HCN1: variants seen among roughly 807,000 people sequenced by gnomAD.
HCN1 encodes hyperpolarization activated cyclic nucleotide gated potassium channel 1, also known as potassium/sodium hyperpolarization-activated cyclic nucleotide-gated channel 1.
A neutral mutation model predicts 78.9 loss-of-function variants in HCN1; 13 were observed. That is an observed-to-expected ratio of 0.16 (90% CI 0.11 to 0.26). The LOEUF (loss-of-function observed/expected upper bound fraction) is 0.26, where lower values mean the gene tolerates loss of function less well. Among genes scored for constraint, HCN1 ranks in the 10% least tolerant of loss-of-function variants. The pLI, the probability that HCN1 is intolerant of heterozygous loss-of-function variation, is 1.00. For missense variants in HCN1, 810 were observed against 1,154.3 expected, an observed-to-expected ratio of 0.70 and a Z score of 4.32; for synonymous variants, 552 against 455.5, an observed-to-expected ratio of 1.21 and a Z score of -2.70.
chr5:45,507,551 A>G (rs1742331683), intron 2 of HCN1, among the ~76,000 whole-genome samples: 1 of 152,168 alleles, frequency 6.6e-6, no homozygotes, highest in East Asian at 1.9e-4. Context: ...AAAAATAAAA[A>G]CAGCTTCACC....
At chr5:45,572,568 T>C (rs1404313788) in intron 2 of HCN1, among the ~76,000 whole-genome samples, 2 of 152,218 alleles carry the variant, frequency 1.3e-5, no homozygotes, top group Non-Finnish European at 2.9e-5. Flanking sequence ...CATTTTAGCC[T>C]GGTCTATAGC....
chr5:45,594,873 G>T (rs982483141), intron 2 of HCN1, among the ~76,000 whole-genome samples: 1 of 152,126 alleles, frequency 6.6e-6, no homozygotes, highest in Non-Finnish European at 1.5e-5. Flanking sequence ...TATAAAGAAT[G>T]AAATTAATTA....
intron 2 of HCN1, among the ~76,000 whole-genome samples, chr5:45,637,009 A>T (rs548231658): frequency 1.3e-5 from 2 of 152,314 alleles, no homozygotes; most frequent in African/African-American, 4.8e-5. Context: ...TTCAAAGTGT[A>T]TGTTCAACAA....
chr5:45,586,194 C>T (rs1744216998), intron 2 of HCN1, among the ~76,000 whole-genome samples: 1 of 152,190 alleles, frequency 6.6e-6, no homozygotes, highest in South Asian at 2.1e-4. Context: ...TTCCTGGCCA[C>T]TTTGTTTACC....
chr5:45,596,052 C>A lies in HCN1; in HGVS notation c.849+49133G>T, dbSNP rs569245295. On this transcript the variant is annotated intron_variant, in intron 2 of 7. Coordinates refer to ENST00000303230, the MANE Select transcript of HCN1 (RefSeq NM_021072.4). ...CTGGGACTACAGGGGACCACAACCA[C>A]ACCCGGCTAATTTTTTTTTGTATTT... Among the ~76,000 whole-genome samples, 3 of 151,880 alleles carry A rather than the reference C, an allele frequency of 2.0e-5. No homozygotes were observed. In the South Asian group the frequency reaches 6.2e-4, roughly 32 times the overall value.
At chr5:45,415,185 T>A (rs1028306739) in intron 3 of HCN1, among the ~76,000 whole-genome samples, 2 of 152,092 alleles carry the variant, frequency 1.3e-5, no homozygotes, top group African/African-American at 2.4e-5. Context: ...TAGCAGTTAT[T>A]TGTTTTAATG....
chr5:45,291,166 T>C (rs1241855532), intron 6 of HCN1, among the ~76,000 whole-genome samples: 1 of 152,046 alleles, frequency 6.6e-6, no homozygotes. Flanking sequence ...GATCATTTCT[T>C]CTATTTCCAG....
intron 2 of HCN1, among the ~76,000 whole-genome samples, chr5:45,608,768 T>C (rs753135827): frequency 6.6e-6 from 1 of 151,950 alleles, no homozygotes; most frequent in African/African-American, 2.4e-5. Flanking sequence ...AAAATATTAA[T>C]AAACTGACTA....
At chr5:45,432,360 G>C (rs1740480221) in intron 3 of HCN1, among the ~76,000 whole-genome samples, 1 of 152,056 alleles carries the variant, frequency 6.6e-6, no homozygotes, top group Non-Finnish European at 1.5e-5. Context: ...TCTAGGTATA[G>C]AATCATTTTC....
chr5:45,498,594 C>A (rs1160631106), intron 2 of HCN1, among the ~76,000 whole-genome samples: 1 of 152,202 alleles, frequency 6.6e-6, no homozygotes, highest in African/African-American at 2.4e-5. Flanking sequence ...TCGTCAAAGT[C>A]ATTTTCCGTC....
Position 45,645,418 on chromosome 5 carries a change from T to C in HCN1, c.616A>G (p.Ile206Val), listed in dbSNP as rs1444972054. Residue 206 changes from isoleucine (I) to valine (V), a missense_variant, in exon 2 of 8, where the codon ATC becomes GTC. Transcript: ENST00000303230. Reference protein sequence around the residue: ...TGTVNEDSSEIILDPKVIKMN... With the variant: ...TGTVNEDSSEVILDPKVIKMN... ...TTGATCACTTTGGGGTCCAGGATGATTTCAGAACTGTCTTCATTGACAGTC... is the reference window on the plus strand; with the variant it reads ...TTGATCACTTTGGGGTCCAGGATGACTTCAGAACTGTCTTCATTGACAGTC... 6.2e-7 allele frequency: 1 copy of C among 1,613,626 alleles called. No individual in the cohort carries two copies. The highest frequency in any genetic ancestry group is 8.5e-7 in the Non-Finnish European group (1 of 1,179,736).
chr5:45,261,892 T>G lies in HCN1; in HGVS notation c.*29A>C, dbSNP rs757811784. The stretch of plus-strand genomic sequence containing the variant: ...AGTATAGTCTCAGTTTATGAGAGTA[T>G]TTCTTTCTGCTTTGACAATCAGCAG... On this transcript the variant is annotated 3_prime_UTR_variant, in exon 8 of 8. Coordinates refer to ENST00000303230, the MANE Select transcript of HCN1 (RefSeq NM_021072.4). 6.2e-7 allele frequency: 1 copy of G among 1,612,178 alleles called. No homozygotes were observed. The highest frequency in any genetic ancestry group is 2.2e-5 in the East Asian group (1 of 44,876).
chr5:45,676,898 C>G (rs1035745718), intron 1 of HCN1, among the ~76,000 whole-genome samples: 1 of 151,796 alleles, frequency 6.6e-6, no homozygotes, highest in Non-Finnish European at 1.5e-5. Flanking sequence ...ATCTGTCGAT[C>G]AGCTATCATC....
At chr5:45,534,269 C>A (rs188809866) in intron 2 of HCN1, among the ~76,000 whole-genome samples, 1 of 150,972 alleles carries the variant, frequency 6.6e-6, no homozygotes, top group Non-Finnish European at 1.5e-5. Flanking sequence ...TGGTGGCAGG[C>A]GCCTATAGTC....
At chr5:45,534,213 C>G (rs185218161) in intron 2 of HCN1, among the ~76,000 whole-genome samples, 13 of 150,996 alleles carry the variant, frequency 8.6e-5, no homozygotes, top group African/African-American at 2.7e-4. Context: ...CTAGCCAACA[C>G]AGTGAAACAC....
At chr5:45,605,990 T>C (rs1744720598) in intron 2 of HCN1, among the ~76,000 whole-genome samples, 1 of 148,150 alleles carries the variant, frequency 6.7e-6, no homozygotes. Flanking sequence ...TGATGGGAAA[T>C]ATTAGCTTCA....
At chr5:45,671,824 A>G (rs1253172450) in intron 1 of HCN1, among the ~76,000 whole-genome samples, 1 of 151,562 alleles carries the variant, frequency 6.6e-6, no homozygotes, top group African/African-American at 2.4e-5. Context: ...TTGAGTTAGG[A>G]CTGTCAAAAA....
At chr5:45,612,661 C>G (rs1472339428) in intron 2 of HCN1, among the ~76,000 whole-genome samples, 1 of 152,082 alleles carries the variant, frequency 6.6e-6, no homozygotes, top group Admixed American at 6.6e-5. Flanking sequence ...CTCAACCTTC[C>G]TGCTACACTG....
rs147882891 is a variant in HCN1, at chr5:45,419,317, C to A, written c.1012-22607G>T. ...CACCTCAGATGCAAAGAACCAGCAC[C>A]CTATGAGACAGGCTGATACCCTCGG... On this transcript the variant is annotated intron_variant, in intron 3 of 7. Coordinates refer to ENST00000303230, the MANE Select transcript of HCN1 (RefSeq NM_021072.4). Among the ~76,000 whole-genome samples the A allele has an allele frequency of 2.0e-3, 308 of 152,128 alleles. 2 individuals are homozygous for A. Among genetic ancestry groups the A allele is most frequent in the African/African-American group, 7.1e-3 (296 of 41,484 alleles).
Sources: gnomAD v4.1 joint callset for allele counts (sites outside exome capture counted in the v4.1 genomes callset) on GRCh38, gnomAD v4.1.1 for gene constraint, MANE v1.5 for transcripts, NCBI Gene and HGNC (gene_info 2026-07-23, HGNC 2026-07-21) for gene names.